Variants in GRIN1 observed in about 807,000 individuals in gnomAD.
GRIN1 encodes glutamate ionotropic receptor NMDA type subunit 1, also known as glutamate receptor ionotropic, NMDA 1.
GRIN1 carries 38 observed loss-of-function variants against 103.0 expected under a neutral mutation model. The observed-to-expected ratio is 0.37, with a 90% confidence interval of 0.28 to 0.48. GRIN1 has a LOEUF of 0.48. Among genes scored for constraint, GRIN1 ranks in the 20% least tolerant of loss-of-function variants. The pLI is 0.98. For missense variants in GRIN1, 577 were observed against 1,288.9 expected, an observed-to-expected ratio of 0.45 and a Z score of 8.46; for synonymous variants, 544 against 532.7, an observed-to-expected ratio of 1.02 and a Z score of -0.29.
chr9:137,146,737 G>T lies in GRIN1; in HGVS notation c.570+835G>T, dbSNP rs1389193930. ...GGGCCAGCTCCTGATCAAGCAGTGG[G>T]AGGAGGCCCAGGCTGAGGAGGGCCA... On this transcript the variant is annotated intron_variant, in intron 3 of 19. Coordinates refer to ENST00000371561, the MANE Select transcript of GRIN1 (RefSeq NM_007327.4). The surrounding 1 kb of genome is among the most constrained non-coding windows in gnomAD (Gnocchi z 6.7). 6.6e-6 allele frequency among the ~76,000 whole-genome samples: 1 copy of T among 152,170 alleles called. No homozygotes were observed. The highest frequency in any genetic ancestry group is 6.5e-5 in the Admixed American group (1 of 15,290).
rs1459010322 is a variant in GRIN1, at chr9:137,144,537, C to T, written c.394-1189C>T. Among the ~76,000 whole-genome samples, 6 of 152,094 alleles carry T rather than the reference C, an allele frequency of 3.9e-5. No homozygotes were observed. The South Asian group carries it at 6.2e-4, about 16-fold the overall frequency. On this transcript the variant is annotated intron_variant, in intron 2 of 19. Coordinates refer to ENST00000371561, the MANE Select transcript of GRIN1 (RefSeq NM_007327.4). ...GGGCGTGGTGGCGGGCGCCTGTAGT[C>T]TCAGCTACTTGGGAGGCTGAGGCAG...
chr9:137,156,111 G>T (rs1388539463), intron 4 of GRIN1, among the ~76,000 whole-genome samples: 3 of 152,210 alleles, frequency 2.0e-5, no homozygotes, highest in Non-Finnish European at 1.5e-5. Context: ...TGTCCCATGT[G>T]CCTCCGCTTC....
rs764554048 is a variant in GRIN1, at chr9:137,165,286, C to T, written c.2690C>T (p.Ser897Phe). 3.2e-5 allele frequency: 52 copies of T among 1,602,662 alleles called. No homozygotes were observed. Among genetic ancestry groups the T allele is most frequent in the Non-Finnish European group, 4.4e-5 (52 of 1,171,314 alleles). ...LASSFKRRRS[S>F]KDTSTGGGRG... ...TCCAGCTTCAAGAGGCGTAGGTCCT[C>T]CAAAGACACGGTAAGGGGGAGAGCA... is the stretch of plus-strand genomic sequence containing the variant. Residue 897 changes from serine (S) to phenylalanine (F), a missense_variant, in exon 19 of 20, where the codon TCC becomes TTC. This residue lies in a region of GRIN1 where 68 missense variants were observed against 113.0 expected (regional missense o/e 0.60). Coordinates refer to ENST00000371561, the MANE Select transcript of GRIN1 (RefSeq NM_007327.4).
chr9:137,158,475 C>T lies in GRIN1; in HGVS notation c.1065C>T (p.Asn355=). ...DRKFANYSIM[N]LQNRKLVQVG... ...AGTTCGCCAACTACAGCATCATGAA[C>T]CTGCAGAACCGCAAGCTGGTGCAAG... The change falls in exon 7 of 20, where the codon AAC becomes AAT. Residue 355 remains asparagine (N), a synonymous_variant. Coordinates refer to ENST00000371561, the MANE Select transcript of GRIN1 (RefSeq NM_007327.4). The T allele has an allele frequency of 6.2e-7, 1 of 1,613,486 alleles. No individual in the cohort carries two copies.
rs1833662537 is a variant in GRIN1, at chr9:137,163,298, C to T, written c.2301C>T (p.Pro767=). ...GCATAGGCATGCGCAAAGACAGCCC[C>T]TGGAAGCAGAACGTCTCCCTGTCCA... The part of the protein sequence containing the change: ...GFGIGMRKDS[P]WKQNVSLSIL... The change falls in exon 16 of 20, where the codon CCC becomes CCT. Residue 767 remains proline (P), a synonymous_variant. Transcript: ENST00000371561. The T allele has an allele frequency of 6.2e-7, 1 of 1,613,656 alleles. No homozygotes were observed. The highest frequency in any genetic ancestry group is 1.3e-5 in the African/African-American group (1 of 74,928).
At position 137,156,676 on chromosome 9, in the gene GRIN1, G is replaced by C. The variant is rs869312865; in HGVS notation, c.679G>C (p.Asp227His). ...TCCCCGTCTGCCCCACAGCGAGGAC[G>C]ATGCTGCCACTGTATACCGCGCAGC... ...RVIILSASED[D>H]AATVYRAAAM... The change falls in exon 5 of 20, where the codon GAT becomes CAT. Residue 227 changes from aspartate to histidine, a missense_variant. By Grantham distance (81) the Asp-to-His change is moderately conservative. Coordinates refer to ENST00000371561, the MANE Select transcript of GRIN1 (RefSeq NM_007327.4). The C allele has an allele frequency of 6.2e-7, 1 of 1,600,506 alleles. No homozygotes were observed. Among genetic ancestry groups the C allele is most frequent in the Non-Finnish European group, 8.5e-7 (1 of 1,174,946 alleles).
In GRIN1 at chr9:137,146,556, G is replaced by T. The variant is rs1405041167; in HGVS notation, c.570+654G>T. On this transcript the variant is annotated intron_variant, in intron 3 of 19. Coordinates refer to ENST00000371561, the MANE Select transcript of GRIN1 (RefSeq NM_007327.4). The surrounding 1 kb of genome is among the most constrained non-coding windows in gnomAD (Gnocchi z 6.7). The stretch of plus-strand genomic sequence containing the variant: ...CTAGGACACACTGACCCCCAACACA[G>T]CCAGGCGTCCACTCTGTGGGGCTGC... Among the ~76,000 whole-genome samples, 1 of 152,158 alleles carries T rather than the reference G, an allele frequency of 6.6e-6. No homozygotes were observed. The highest frequency in any genetic ancestry group is 1.5e-5 in the Non-Finnish European group (1 of 68,018).
intron 6 of GRIN1, 71 bp downstream of exon 6, chr9:137,157,108 G>T: frequency 1.5e-6 from 2 of 1,319,542 alleles, no homozygotes; most frequent in Middle Eastern, 2.4e-4. Flanking sequence ...CCAGAGATGG[G>T]CGGGGCCGCT....
chr9:137,148,555 C>T (rs1036899480), intron 3 of GRIN1, among the ~76,000 whole-genome samples: 3 of 152,256 alleles, frequency 2.0e-5, no homozygotes, highest in Admixed American at 1.3e-4. Flanking sequence ...TCGCCGGGGC[C>T]GGGCTGCTCC....
At position 137,161,865 on chromosome 9, in the gene GRIN1, C is replaced by T. The variant is rs1047218434; in HGVS notation, c.1468-59C>T. 2,775 of 1,529,030 alleles carry T rather than the reference C, an allele frequency of 1.8e-3. 3 individuals are homozygous for T. The highest frequency in any genetic ancestry group is 2.3e-3 in the Non-Finnish European group (2,639 of 1,133,246). The allele number at this position is 1,529,030 out of a possible 1,614,324, so 94.7% of individuals were successfully genotyped here. ...TCTAGGGCGGCTTCAGTCGGGGGTA[C>T]CTGTGGCGGGAGCTGGGAGGACGCT... On this transcript the variant is annotated intron_variant, in intron 10 of 19. Transcript: ENST00000371561.
In GRIN1 at chr9:137,139,354, G is replaced by A. The variant is rs1832039422; in HGVS notation, c.-133G>A. The A allele has an allele frequency of 6.5e-6, 3 of 461,264 alleles. No homozygotes were observed. Among genetic ancestry groups the A allele is most frequent in the African/African-American group, 2.1e-5 (1 of 48,072 alleles). 28.6% of individuals were successfully genotyped at this position (461,264 alleles called of 1,614,324 possible). On this transcript the variant is annotated 5_prime_UTR_variant, in exon 1 of 20. Transcript: ENST00000371561. The surrounding 1 kb of genome is among the most constrained non-coding windows in gnomAD (Gnocchi z 7.7). Reference sequence around the variant, plus strand: ...TTCCCTCGGCCGACGTCCCGGGACCGCCGCTCCGGGGGAGACGTGGCGTCC... The same window carrying A: ...TTCCCTCGGCCGACGTCCCGGGACCACCGCTCCGGGGGAGACGTGGCGTCC...
rs1301805363 is a variant in GRIN1 at position 137,156,699 on chromosome 9, A to C, written c.702A>C (p.Ala234=). The C allele has an allele frequency of 6.3e-7, 1 of 1,597,292 alleles. No individual in the cohort carries two copies. The highest frequency in any genetic ancestry group is 1.1e-5 in the South Asian group (1 of 88,414). ...SEDDAATVYR[A]AAMLNMTGSG... is the part of the protein sequence containing the mutation. ...ACGATGCTGCCACTGTATACCGCGC[A>C]GCCGCGATGCTGAACATGACGGGCT... Residue 234 remains alanine, a synonymous_variant, in exon 5 of 20, where the codon GCA becomes GCC. Coordinates refer to ENST00000371561, the MANE Select transcript of GRIN1 (RefSeq NM_007327.4).
chr9:137,161,945 G>A lies in GRIN1; in HGVS notation c.1489G>A (p.Glu497Lys). Residue 497 changes from glutamate (E) to lysine (K), a missense_variant, in exon 11 of 20, where the codon GAG becomes AAG. Around this residue, in one of 9 missense-constraint regions of GRIN1, gnomAD observed 96 missense variants for 145.0 expected, o/e 0.66. Coordinates refer to ENST00000371561, the MANE Select transcript of GRIN1 (RefSeq NM_007327.4). ...QERVNNSNKK[E>K]WNGMMGELLS... ...GCAGGTGAACAACAGCAACAAGAAG[G>A]AGTGGAATGGGATGATGGGCGAGCT... 1 of 1,565,344 alleles carries A rather than the reference G, an allele frequency of 6.4e-7. No homozygotes were observed. The highest frequency in any genetic ancestry group is 8.7e-7 in the Non-Finnish European group (1 of 1,155,262).
At chr9:137,147,077 C>T (rs1832584777) in intron 3 of GRIN1, among the ~76,000 whole-genome samples, 1 of 150,826 alleles carries the variant, frequency 6.6e-6, no homozygotes, top group African/African-American at 2.4e-5. Context: ...CACCCCAGCG[C>T]TCGACAGGCC....
intron 4 of GRIN1, 119 bp from the exon 5 acceptor site, chr9:137,156,550 G>C (rs1003026539): frequency 2.7e-5 from 39 of 1,427,088 alleles, no homozygotes; most frequent in Non-Finnish European, 3.6e-5. Context: ...TGCAGGCTTC[G>C]CTCTAGGAGG....
At chr9:137,161,468 G>C in intron 10 of GRIN1, 52 bp downstream of exon 10, 2 of 1,556,660 alleles carry the variant, frequency 1.3e-6, no homozygotes, top group Non-Finnish European at 1.8e-6. Flanking sequence ...CTGCAGGCGC[G>C]GTCGGAGTGG....
At chr9:137,143,978 ACCACGCTCTCGCCTGG>A (rs1832318099) in intron 2 of GRIN1, among the ~76,000 whole-genome samples, 1 of 152,248 alleles carries the variant, frequency 6.6e-6, no homozygotes, top group African/African-American at 2.4e-5. Context: ...GCAAGCAAGC[ACCACGCTCTCGCCTGG>A]GGAGATGAGG....
At position 137,149,003 on chromosome 9, in the gene GRIN1, C is replaced by A; in HGVS notation, c.571-6C>A. ...CCGCCTGCTAACACTCTTGCTCACACCGCAGGCAGAGAAGGTGCTGCAGTT... is the reference window on the plus strand; with the variant it reads ...CCGCCTGCTAACACTCTTGCTCACAACGCAGGCAGAGAAGGTGCTGCAGTT... On this transcript the variant is annotated splice_region_variant and splice_polypyrimidine_tract_variant and intron_variant, in intron 3 of 19. Transcript: ENST00000371561. The A allele has an allele frequency of 1.2e-6, 2 of 1,605,504 alleles. No homozygotes were observed. The highest frequency in any genetic ancestry group is 1.7e-6 in the Non-Finnish European group (2 of 1,173,514).
chr9:137,166,927 C>T (rs914650602), intron 19 of GRIN1, among the ~76,000 whole-genome samples: 1 of 152,154 alleles, frequency 6.6e-6, no homozygotes, highest in Non-Finnish European at 1.5e-5. Context: ...GGGGCAAGCA[C>T]AAATGTCGTG....
Sources: gnomAD v4.1 joint callset for allele counts (sites outside exome capture counted in the v4.1 genomes callset) on GRCh38, gnomAD v4.1.1 for gene constraint, gnomAD v4.1.1 regional missense constraint, Gnocchi (gnomAD v3.1) non-coding constraint, MANE v1.5 for transcripts, NCBI Gene and HGNC (gene_info 2026-07-23, HGNC 2026-07-21) for gene names.